CCDC13: variants seen among roughly 807,000 people sequenced by gnomAD.
CCDC13 encodes coiled-coil domain-containing protein 13.
A neutral mutation model predicts 87.3 loss-of-function variants in CCDC13; 70 were observed. The ratio of observed to expected loss-of-function variants is 0.80; its 90% CI spans 0.66 to 0.98. CCDC13 has a LOEUF of 0.98. Among genes scored for constraint, CCDC13 ranks in the 50% least tolerant of loss-of-function variants. CCDC13 has a pLI of 0.00. For synonymous variants in CCDC13, 317 were observed against 360.3 expected, an observed-to-expected ratio of 0.88 and a Z score of 1.36; for missense variants, 842 against 892.0, an observed-to-expected ratio of 0.94 and a Z score of 0.71.
At chr3:42,736,655 G>C (rs1699029797) in intron 9 of CCDC13, among the ~76,000 whole-genome samples, 1 of 152,156 alleles carries the variant, frequency 6.6e-6, no homozygotes, top group African/African-American at 2.4e-5. Context: ...GATACTGACA[G>C]AGGCAGGCCT....
At chr3:42,758,495 C>T (rs1008055376) in intron 1 of CCDC13, 144 bp from the exon 2 acceptor site, 1 of 748,508 alleles carries the variant, frequency 1.3e-6, no homozygotes. Context: ...AAGCTCCACC[C>T]TCACCTCAGA....
chr3:42,733,631 C>T (rs1216130312), intron 10 of CCDC13, 22 bp from the exon 11 acceptor site: 1 of 1,579,764 alleles, frequency 6.3e-7, no homozygotes. Context: ...GATGTGGGTT[C>T]CATCCTCAGG....
intron 9 of CCDC13, 38 bp downstream of exon 9, chr3:42,739,595 AC>A (rs772183091): frequency 6.3e-7 from 1 of 1,588,900 alleles, no homozygotes; most frequent in South Asian, 1.1e-5. Context: ...TTGAGGAACC[AC>A]CCCTGGCTCT....
At chr3:42,752,497 A>G (rs1699608966) in intron 4 of CCDC13, 78 bp downstream of exon 4, 1 of 1,569,328 alleles carries the variant, frequency 6.4e-7, no homozygotes. Flanking sequence ...TCCCGGCTAC[A>G]TATGGAGAAG....
chr3:42,771,264 C>T (rs143637143), intron 1 of CCDC13, among the ~76,000 whole-genome samples: 31 of 152,256 alleles, frequency 2.0e-4, no homozygotes, highest in African/African-American at 7.0e-4. Flanking sequence ...GGCAAAATTA[C>T]AGAGAAGTAA....
At position 42,726,899 on chromosome 3, in the gene CCDC13, A is replaced by G. The variant is rs948567315; in HGVS notation, c.1718+3568T>C. ...TAATCTGAAGAAGCATCGGAGAGAAAGGACAAATCTATTAAGGAATGACAA... is the reference window on the plus strand; with the variant it reads ...TAATCTGAAGAAGCATCGGAGAGAAGGGACAAATCTATTAAGGAATGACAA... On this transcript the variant is annotated intron_variant, in intron 13 of 15. Coordinates refer to ENST00000310232, the MANE Select transcript of CCDC13 (RefSeq NM_144719.4). Among the ~76,000 whole-genome samples the G allele has an allele frequency of 5.3e-4, 81 of 152,294 alleles. 1 individual carries two copies. The highest frequency in any genetic ancestry group is 1.9e-3 in the African/African-American group (78 of 41,556).
Position 42,709,057 on chromosome 3 carries a change from T to G in CCDC13, c.2071A>C (p.Met691Leu), listed in dbSNP as rs1167782309. Residue 691 changes from methionine to leucine, a missense_variant, in exon 16 of 16, where the codon ATG (methionine) becomes CTG (leucine). Coordinates refer to ENST00000310232, the MANE Select transcript of CCDC13 (RefSeq NM_144719.4). ...ALRGKEEDFR[M>L]YHEILGQVKS... ...ACCTGGCCCAGGATCTCATGGTACA[T>G]CCGGAAGTCCTCCTCCTTTCCCCGC... The G allele has an allele frequency of 6.2e-7, 1 of 1,613,992 alleles. No individual in the cohort carries two copies. Among genetic ancestry groups the G allele is most frequent in the Non-Finnish European group, 8.5e-7 (1 of 1,179,974 alleles).
rs1422345997 is a variant in CCDC13, at chr3:42,709,077, C to A, written c.2051G>T (p.Gly684Val). The A allele has an allele frequency of 6.2e-7, 1 of 1,613,982 alleles. No homozygotes were observed. Among genetic ancestry groups the A allele is most frequent in the South Asian group, 1.1e-5 (1 of 91,048 alleles). The stretch of plus-strand genomic sequence containing the variant: ...GTACATCCGGAAGTCCTCCTCCTTT[C>A]CCCGCAGGGCACTGCCCAGGGCAGC... ...LKAALGSALR[G>V]KEEDFRMYHE... The change falls in exon 16 of 16, where the codon GGA becomes GTA. Residue 684 changes from glycine to valine, a missense_variant. Physicochemically the swap from Gly to Val is moderately radical, Grantham distance 109. Coordinates refer to ENST00000310232, the MANE Select transcript of CCDC13 (RefSeq NM_144719.4).
chr3:42,732,962 G>C lies in CCDC13; in HGVS notation c.1520C>G (p.Thr507Ser). ...VGRLGSSRSV[T>S]SLGHTLVESA... ...TTCCACCAGTGTGTGGCCCAGGCTG[G>C]TCACAGAGCTGTGTAAAGGCGGAAG... Residue 507 changes from threonine to serine, a missense_variant, in exon 12 of 16, where the codon ACC becomes AGC. Thr to Ser is a moderately conservative substitution (Grantham distance 58, BLOSUM62 1). Coordinates refer to ENST00000310232, the MANE Select transcript of CCDC13 (RefSeq NM_144719.4). The C allele has an allele frequency of 1.3e-6, 2 of 1,552,604 alleles. No homozygotes were observed. Among genetic ancestry groups the C allele is most frequent in the Non-Finnish European group, 1.7e-6 (2 of 1,147,418 alleles).
chr3:42,761,803 G>A (rs1177073539), intron 1 of CCDC13, among the ~76,000 whole-genome samples: 1 of 152,060 alleles, frequency 6.6e-6, no homozygotes, highest in African/African-American at 2.4e-5. Flanking sequence ...AGCTAGTTGT[G>A]TTGACTTGCT....
intron 5 of CCDC13, among the ~76,000 whole-genome samples, chr3:42,747,670 C>A (rs1346376895): frequency 6.7e-6 from 1 of 149,322 alleles, no homozygotes; most frequent in East Asian, 1.9e-4. Flanking sequence ...CAGAGTGTTG[C>A]ACACACACAT....
In CCDC13 at chr3:42,751,974, C is replaced by T; in HGVS notation, c.565G>A (p.Ala189Thr). ...CCCATCTGGGCCCTCGGTGGCTTGG[C>T]TCCTGCGTCGGTGGCCCCCTTGGCT... ...LSAKGATDAG[A>T]KPPRAQMGDR... Residue 189 changes from alanine (A) to threonine (T), a missense_variant, in exon 5 of 16, where the codon GCC becomes ACC. Coordinates refer to ENST00000310232, the MANE Select transcript of CCDC13 (RefSeq NM_144719.4). 1 of 1,611,074 alleles carries T rather than the reference C, an allele frequency of 6.2e-7. No individual in the cohort carries two copies. The highest frequency in any genetic ancestry group is 8.5e-7 in the Non-Finnish European group (1 of 1,180,012).
intron 7 of CCDC13, chr3:42,745,515 G>C (rs1559652980): frequency 6.4e-6 from 1 of 155,808 alleles, no homozygotes; most frequent in Admixed American, 6.3e-5. Context: ...CAATAAAGAG[G>C]GAGACAAGGC....
chr3:42,715,357 C>T (rs1287743187), intron 13 of CCDC13, among the ~76,000 whole-genome samples: 1 of 151,766 alleles, frequency 6.6e-6, no homozygotes, highest in Non-Finnish European at 1.5e-5. Context: ...ATGGCTCACG[C>T]CTGTGCTTTG....
chr3:42,729,103 G>A (rs1031219218), intron 13 of CCDC13, among the ~76,000 whole-genome samples: 1 of 152,216 alleles, frequency 6.6e-6, no homozygotes, highest in Non-Finnish European at 1.5e-5. Context: ...ACAGAATCGT[G>A]AGAAAGCACA....
At chr3:42,769,115 G>A (rs1699998185) in intron 1 of CCDC13, among the ~76,000 whole-genome samples, 2 of 151,996 alleles carry the variant, frequency 1.3e-5, no homozygotes, top group African/African-American at 4.8e-5. Flanking sequence ...TCCAGTCTGG[G>A]CAACAAGAGT....
At chr3:42,768,750 G>C (rs1575341411) in intron 1 of CCDC13, among the ~76,000 whole-genome samples, 1 of 151,924 alleles carries the variant, frequency 6.6e-6, no homozygotes, top group East Asian at 1.9e-4. Flanking sequence ...ATAGAGACTG[G>C]AAGAAAACCT....
chr3:42,712,189 G>A (rs1698326754), intron 14 of CCDC13, among the ~76,000 whole-genome samples: 1 of 152,134 alleles, frequency 6.6e-6, no homozygotes, highest in Non-Finnish European at 1.5e-5. Flanking sequence ...GACCATCCTT[G>A]GCTGGGGAGG....
rs772819121 is a variant in CCDC13 at position 42,706,023 on chromosome 3, G to C, written c.*2957C>G. 1 of 152,334 alleles carries C rather than the reference G, an allele frequency of 6.6e-6. No homozygotes were observed. The highest frequency in any genetic ancestry group is 2.4e-5 in the African/African-American group (1 of 41,446). The allele number at this position is 152,334 out of a possible 1,614,324, so 9.4% of individuals were successfully genotyped here. On this transcript the variant is annotated 3_prime_UTR_variant, in exon 16 of 16. Coordinates refer to ENST00000310232, the MANE Select transcript of CCDC13 (RefSeq NM_144719.4). ...GGGAAGCCCTGTGGTGCTGCAGCCC[G>C]GTCCTGCATCCTTCCCCACCCAGCT...
Sources: allele counts gnomAD v4.1 joint callset (sites outside exome capture counted in the v4.1 genomes callset), GRCh38; gene constraint gnomAD v4.1.1; transcripts MANE v1.5; gene names NCBI Gene and HGNC (gene_info 2026-07-23, HGNC 2026-07-21).